Variants in SGSM1 observed in about 807,000 individuals in gnomAD.
The protein encoded by SGSM1 is small G protein signaling modulator 1, also known as RUN and TBC1 domain containing 2.
In SGSM1, 73 loss-of-function variants were observed where a neutral mutation model predicts 133.8. That is an observed-to-expected ratio of 0.55 (90% CI 0.45 to 0.66). The LOEUF (loss-of-function observed/expected upper bound fraction) is 0.66, where lower values mean the gene tolerates loss of function less well. Ranked by LOEUF, SGSM1 falls within the 30% of genes least tolerant of loss-of-function variation. SGSM1 has a pLI of 0.00. For synonymous variants in SGSM1, 563 were observed against 573.0 expected, an observed-to-expected ratio of 0.98 and a Z score of 0.25; for missense variants, 1,213 against 1,448.1, an observed-to-expected ratio of 0.84 and a Z score of 2.64.
At chr22:24,907,632 A>C (rs987087950) in intron 21 of SGSM1, among the ~76,000 whole-genome samples, 12 of 152,012 alleles carry the variant, frequency 7.9e-5, no homozygotes, top group African/African-American at 2.9e-4. Context: ...CAATTTTTAA[A>C]AGGATATGTT....
intron 2 of SGSM1, among the ~76,000 whole-genome samples, chr22:24,821,779 C>G (rs1389660984): frequency 2.0e-5 from 3 of 152,166 alleles, no homozygotes; most frequent in African/African-American, 4.8e-5. Flanking sequence ...CTTATTGGAG[C>G]AGTTATAGGT....
At chr22:24,834,961 T>C (rs1472238310) in intron 2 of SGSM1, among the ~76,000 whole-genome samples, 1 of 152,054 alleles carries the variant, frequency 6.6e-6, no homozygotes, top group East Asian at 1.9e-4. Context: ...TGAGGCAAGG[T>C]AGGCTGGAGA....
At chr22:24,873,210 G>T (rs185691454) in intron 12 of SGSM1, among the ~76,000 whole-genome samples, 2 of 152,006 alleles carry the variant, frequency 1.3e-5, no homozygotes, top group East Asian at 3.9e-4. Flanking sequence ...CAATTCATCC[G>T]CCTCAGGCTC....
chr22:24,868,636 A>T, intron 11 of SGSM1, 87 bp from the exon 12 acceptor site: 5 of 1,609,988 alleles, frequency 3.1e-6, no homozygotes, highest in Non-Finnish European at 4.2e-6. Context: ...ATGTGGCCTC[A>T]TGCGCTCTCC....
chr22:24,901,983 AGGGGAT>A, intron 20 of SGSM1, 26 bp downstream of exon 20: 2 of 106,996 alleles, frequency 1.9e-5, no homozygotes, highest in Non-Finnish European at 1.8e-5. Flanking sequence ...GAGGGGATCT[AGGGGAT>A]GGGGATGGTG....
intron 14 of SGSM1, among the ~76,000 whole-genome samples, chr22:24,881,384 G>T (rs1378681517): frequency 6.9e-6 from 1 of 145,670 alleles, no homozygotes; most frequent in Non-Finnish European, 1.5e-5. Context: ...GGCTAACATG[G>T]TGAAACCCCG....
intron 10 of SGSM1, 49 bp downstream of exon 10, chr22:24,867,209 C>T (rs1931508569): frequency 1.3e-6 from 2 of 1,568,420 alleles, no homozygotes; most frequent in Admixed American, 1.7e-5. Context: ...CTTGGATCCC[C>T]TGCCTGTCTC....
chr22:24,845,969 C>T (rs978267877), intron 3 of SGSM1, among the ~76,000 whole-genome samples: 1 of 141,456 alleles, frequency 7.1e-6, no homozygotes, highest in African/African-American at 2.7e-5. Context: ...TTCTTTCTTT[C>T]TTTCTTTCTT....
chr22:24,902,303 G>A (rs1276834133), intron 20 of SGSM1, among the ~76,000 whole-genome samples: 2 of 152,164 alleles, frequency 1.3e-5, no homozygotes, highest in African/African-American at 2.4e-5. Flanking sequence ...TCATAGCCAT[G>A]TCTCTGGCTG....
At position 24,853,510 on chromosome 22, in the gene SGSM1, T is replaced by A. The variant is rs555979119; in HGVS notation, c.456-1486T>A. On this transcript the variant is annotated intron_variant, in intron 5 of 24. Transcript: ENST00000400358. ...TATTAGTTCGTTTTCATGCTGCTGA[T>A]AAAGATATACCCAAAACTGGGAACA... Among the ~76,000 whole-genome samples, 9 of 152,306 alleles carry A rather than the reference T, an allele frequency of 5.9e-5. No homozygotes were observed. The South Asian group carries it at 1.9e-3, about 32-fold the overall frequency.
chr22:24,863,233 T>C (rs1371353117), intron 9 of SGSM1, among the ~76,000 whole-genome samples: 1 of 152,202 alleles, frequency 6.6e-6, no homozygotes, highest in East Asian at 1.9e-4. Context: ...CTCGGCTCAC[T>C]GCAACCTCCG....
At chr22:24,835,258 G>T (rs2049732329) in intron 2 of SGSM1, among the ~76,000 whole-genome samples, 1 of 152,190 alleles carries the variant, frequency 6.6e-6, no homozygotes, top group African/African-American at 2.4e-5. Flanking sequence ...AAATGCTACT[G>T]ATTGTTGAGC....
At position 24,924,359 on chromosome 22, in the gene SGSM1, C is replaced by G. The variant is rs558072210; in HGVS notation, c.*85C>G. The G allele has an allele frequency of 4.2e-5, 50 of 1,202,984 alleles. No homozygotes were observed. Among genetic ancestry groups the G allele is most frequent in the Non-Finnish European group, 6.0e-5 (49 of 822,934 alleles). The allele number at this position is 1,202,984 out of a possible 1,614,324, so 74.5% of individuals were successfully genotyped here. On this transcript the variant is annotated 3_prime_UTR_variant, in exon 25 of 25. Coordinates refer to ENST00000400358, the MANE Select transcript of SGSM1 (RefSeq NM_001098497.3). ...TTTCCTCCTGGCTGGATGGGCACCC[C>G]GGGAGCGGGGTCCTGGTGTCTGTTC... is the stretch of plus-strand genomic sequence containing the variant.
At chr22:24,924,063 G>T in intron 24 of SGSM1, 123 bp from the exon 25 acceptor site, 1 of 810,370 alleles carries the variant, frequency 1.2e-6, no homozygotes. Flanking sequence ...CTTCTCCAGG[G>T]CCTCTGCTTC....
At chr22:24,814,188 G>C (rs966089145) in intron 2 of SGSM1, 2 of 152,010 alleles carry the variant, frequency 1.3e-5, no homozygotes, top group African/African-American at 4.8e-5. Context: ...CTAAGTAGCT[G>C]GTAAGACTTT....
At chr22:24,900,075 G>C (rs1933075387) in intron 19 of SGSM1, among the ~76,000 whole-genome samples, 2 of 149,054 alleles carry the variant, frequency 1.3e-5, no homozygotes, top group Non-Finnish European at 3.0e-5. Flanking sequence ...GTGATTTGGA[G>C]GGCAGTGGCG....
At chr22:24,827,547 A>G (rs1345197826) in intron 2 of SGSM1, among the ~76,000 whole-genome samples, 1 of 152,018 alleles carries the variant, frequency 6.6e-6, no homozygotes. Context: ...AGCCCAGGGA[A>G]GGCGGCACTG....
chr22:24,899,047 A>G (rs868412263), intron 19 of SGSM1, among the ~76,000 whole-genome samples: 1 of 136,664 alleles, frequency 7.3e-6, no homozygotes, highest in Non-Finnish European at 1.6e-5. Context: ...AAAAAAAAAA[A>G]CGTGTACAGT....
In SGSM1 at chr22:24,867,091, A is replaced by G; in HGVS notation, c.927-2A>G. ...CAAGCCTGACCCTCCGTCCGCTTCC[A>G]GCGTCTACTGGGACTATGCCATGAC... On this transcript the variant is annotated splice_acceptor_variant, in intron 9 of 24. Transcript: ENST00000400358. LOFTEE classifies it high-confidence loss of function. 6.2e-7 allele frequency: 1 copy of G among 1,613,538 alleles called. No individual in the cohort carries two copies. The highest frequency in any genetic ancestry group is 1.3e-5 in the African/African-American group (1 of 75,030).
Sources: allele counts gnomAD v4.1 joint callset (sites outside exome capture counted in the v4.1 genomes callset), GRCh38; gene constraint gnomAD v4.1.1; transcripts MANE v1.5; gene names NCBI Gene and HGNC (gene_info 2026-07-23, HGNC 2026-07-21).